ADGRG6: variants seen among roughly 807,000 people sequenced by gnomAD.
ADGRG6 encodes the protein G-protein coupled receptor 126.
Under a neutral mutation model 142.4 loss-of-function variants are expected in ADGRG6, and 84 were observed. That is an observed-to-expected ratio of 0.59 (90% CI 0.49 to 0.71). ADGRG6 has a LOEUF of 0.71. ADGRG6 is among the 30% of genes least tolerant of loss of function. ADGRG6 has a pLI of 0.00. For synonymous variants in ADGRG6, 521 were observed against 520.5 expected, an observed-to-expected ratio of 1.00 and a Z score of -0.01; for missense variants, 1,367 against 1,466.6, an observed-to-expected ratio of 0.93 and a Z score of 1.11.
chr6:142,351,225 T>G (rs745659941), intron 2 of ADGRG6, among the ~76,000 whole-genome samples: 10 of 151,896 alleles, frequency 6.6e-5, no homozygotes, highest in Non-Finnish European at 2.9e-5. Flanking sequence ...GAGTGAGACT[T>G]TGTTTCAAAA....
chr6:142,384,888 C>T (rs1173782823), intron 6 of ADGRG6, among the ~76,000 whole-genome samples: 1 of 151,858 alleles, frequency 6.6e-6, no homozygotes, highest in Non-Finnish European at 1.5e-5. Context: ...ATAAAGACAT[C>T]GATTCAGATA....
At chr6:142,348,426 T>A (rs565170642) in intron 2 of ADGRG6, among the ~76,000 whole-genome samples, 1 of 151,770 alleles carries the variant, frequency 6.6e-6, no homozygotes, top group African/African-American at 2.4e-5. Context: ...TTTATATTGG[T>A]AAAAAAAAGG....
At chr6:142,406,011 A>C (rs1775785349) in intron 15 of ADGRG6, among the ~76,000 whole-genome samples, 183 bp downstream of exon 15, 1 of 148,734 alleles carries the variant, frequency 6.7e-6, no homozygotes, top group Non-Finnish European at 1.5e-5. Context: ...ATGCTAATTA[A>C]CAAGTTGTAT....
intron 9 of ADGRG6, among the ~76,000 whole-genome samples, chr6:142,394,537 A>G (rs1353845642): frequency 6.6e-6 from 1 of 151,632 alleles, no homozygotes; most frequent in Non-Finnish European, 1.5e-5. Flanking sequence ...GAATAAATTT[A>G]GTTGTATTTA....
chr6:142,389,483 G>T (rs1375249196), intron 6 of ADGRG6, among the ~76,000 whole-genome samples: 1 of 151,790 alleles, frequency 6.6e-6, no homozygotes, highest in Non-Finnish European at 1.5e-5. Context: ...CCCATTTACA[G>T]CTATTTAGCA....
At chr6:142,318,342 T>C (rs1171456253) in intron 2 of ADGRG6, among the ~76,000 whole-genome samples, 1 of 92,620 alleles carries the variant, frequency 1.1e-5, no homozygotes, top group Non-Finnish European at 1.9e-5. Context: ...ATTTATATTA[T>C]ATATTTATAT....
chr6:142,331,323 C>T (rs1041330711), intron 2 of ADGRG6, among the ~76,000 whole-genome samples: 30 of 151,950 alleles, frequency 2.0e-4, no homozygotes, highest in African/African-American at 7.0e-4. Flanking sequence ...CAAAGAAAAG[C>T]CACAGTGAAA....
Position 142,414,914 on chromosome 6 carries a change from G to T in ADGRG6, c.2542-55G>T. The T allele has an allele frequency of 4.6e-6, 7 of 1,523,390 alleles. No individual in the cohort carries two copies. The Admixed American group carries it at 1.4e-4, about 30-fold the overall frequency. 94.4% of individuals were successfully genotyped at this position (1,523,390 alleles called of 1,614,324 possible). On this transcript the variant is annotated intron_variant, in intron 18 of 24. Transcript: ENST00000367609. ...ACAGTGAACTTTCTAGTGAAACAGA[G>T]AACCATTCTCATGAGAAGAGAGTTT...
At chr6:142,307,050 A>T (rs935807057) in intron 1 of ADGRG6, among the ~76,000 whole-genome samples, 9 of 152,136 alleles carry the variant, frequency 5.9e-5, no homozygotes, top group Non-Finnish European at 2.9e-5. Context: ...CAGCTTCAGA[A>T]TTGAATATGG....
At chr6:142,438,114 T>TG (rs1777576160) in intron 23 of ADGRG6, 98 bp from the exon 24 acceptor site, 1 of 687,176 alleles carries the variant, frequency 1.5e-6, no homozygotes, top group Non-Finnish European at 2.4e-6. Context: ...TATCAGAAAA[T>TG]CAGATGCTCC....
chr6:142,406,739 T>G (rs527619349), intron 15 of ADGRG6, among the ~76,000 whole-genome samples: 1 of 152,352 alleles, frequency 6.6e-6, no homozygotes, highest in East Asian at 1.9e-4. Context: ...TTTATATATT[T>G]TGTATAAAAC....
Position 142,436,706 on chromosome 6 carries a change from T to C in ADGRG6, c.3320-728T>C, listed in dbSNP as rs575453084. Among the ~76,000 whole-genome samples, 27 of 152,286 alleles carry C rather than the reference T, an allele frequency of 1.8e-4. No homozygotes were observed. The South Asian group carries it at 2.9e-3, about 16-fold the overall frequency. Reference sequence around the variant, plus strand: ...ATAGAGGAATCAAGAGAAAGATCGATGATGCCTCAAGGAGAGGTTTAAAAT... The same window carrying C: ...ATAGAGGAATCAAGAGAAAGATCGACGATGCCTCAAGGAGAGGTTTAAAAT... On this transcript the variant is annotated intron_variant, in intron 22 of 24. Coordinates refer to ENST00000367609, the MANE Select transcript of ADGRG6 (RefSeq NM_198569.3).
chr6:142,423,006 G>A (rs1189256418), intron 22 of ADGRG6, among the ~76,000 whole-genome samples: 2 of 152,012 alleles, frequency 1.3e-5, no homozygotes, highest in African/African-American at 2.4e-5. Flanking sequence ...AGTTTTTGAT[G>A]GGGTTGTTTG....
intron 1 of ADGRG6, among the ~76,000 whole-genome samples, chr6:142,306,059 A>G (rs1038192896): frequency 2.6e-5 from 4 of 152,220 alleles, no homozygotes; most frequent in African/African-American, 9.6e-5. Flanking sequence ...CCCTTTTATG[A>G]AAAGATTTGC....
intron 6 of ADGRG6, among the ~76,000 whole-genome samples, chr6:142,387,241 C>T (rs1782075319): frequency 6.6e-6 from 1 of 152,206 alleles, no homozygotes; most frequent in South Asian, 2.1e-4. Context: ...CATATCTTCT[C>T]TGCTCAAACA....
intron 2 of ADGRG6, among the ~76,000 whole-genome samples, chr6:142,348,316 A>C (rs1756793894): frequency 6.6e-6 from 1 of 152,214 alleles, no homozygotes; most frequent in African/African-American, 2.4e-5. Context: ...GCCTTCTTAA[A>C]ATTAGACTCA....
At chr6:142,305,311 T>C (rs1349234130) in intron 1 of ADGRG6, among the ~76,000 whole-genome samples, 2 of 152,004 alleles carry the variant, frequency 1.3e-5, no homozygotes, top group African/African-American at 4.8e-5. Context: ...AAAATAAAAG[T>C]TATGCAAAGA....
At chr6:142,418,308 A>C (rs1010474031) in intron 21 of ADGRG6, among the ~76,000 whole-genome samples, 8 of 151,142 alleles carry the variant, frequency 5.3e-5, no homozygotes, top group African/African-American at 1.2e-4. Context: ...AAAAAAAAAA[A>C]AAAAAAAAAA....
At chr6:142,311,808 A>G (rs980431028) in intron 2 of ADGRG6, among the ~76,000 whole-genome samples, 2 of 151,910 alleles carry the variant, frequency 1.3e-5, no homozygotes, top group African/African-American at 2.4e-5. Context: ...CCTTGGATTT[A>G]TAATAGGCCT....
Sources: gnomAD v4.1 joint callset for allele counts (sites outside exome capture counted in the v4.1 genomes callset) on GRCh38, gnomAD v4.1.1 for gene constraint, MANE v1.5 for transcripts, NCBI Gene and HGNC (gene_info 2026-07-23, HGNC 2026-07-21) for gene names.